The following CFAP20DC variants were observed in gnomAD, a reference collection of about 807,000 sequenced individuals.
CFAP20DC encodes CFAP20 domain containing, also known as protein CFAP20DC.
Under a neutral mutation model 101.7 loss-of-function variants are expected in CFAP20DC, and 84 were observed. That is an observed-to-expected ratio of 0.83 (90% CI 0.69 to 0.99). The LOEUF (loss-of-function observed/expected upper bound fraction) is 0.99. Among genes scored for constraint, CFAP20DC ranks in the 50% least tolerant of loss-of-function variants. The pLI, the probability that CFAP20DC is intolerant of heterozygous loss-of-function variation, is 0.00. For synonymous variants in CFAP20DC, 359 were observed against 351.2 expected (o/e 1.02, Z -0.25); for missense variants, 1,007 against 970.3 (o/e 1.04, Z -0.50).
intron 5 of CFAP20DC, among the ~76,000 whole-genome samples, chr3:58,919,746 A>C (rs916252805): frequency 1.3e-5 from 2 of 152,208 alleles, no homozygotes; most frequent in Non-Finnish European, 2.9e-5. Context: ...ATTCATGAGT[A>C]TTCAGAGTTT....
chr3:58,890,126 C>T lies in CFAP20DC; in HGVS notation c.551-5417G>A, dbSNP rs549298459. Reference sequence around the variant, plus strand: ...GGGGCTCTTCACTTCCCAGTAGGGGCGGCCGGGCAGAGGCGCCCCTCACCT... The same window carrying T: ...GGGGCTCTTCACTTCCCAGTAGGGGTGGCCGGGCAGAGGCGCCCCTCACCT... On this transcript the variant is annotated intron_variant, in intron 6 of 16. Coordinates refer to ENST00000482387, the MANE Select transcript of CFAP20DC (RefSeq NM_001394063.1). 4.1e-4 allele frequency among the ~76,000 whole-genome samples: 62 copies of T among 150,826 alleles called. 1 individual carries two copies. The Middle Eastern group carries it at 0.014, about 33-fold the overall frequency.
chr3:58,940,609 T>C (rs1010710617), intron 4 of CFAP20DC, among the ~76,000 whole-genome samples: 5 of 152,238 alleles, frequency 3.3e-5, no homozygotes, highest in Non-Finnish European at 5.9e-5. Context: ...GTTGTATTTC[T>C]GGACTGTCTG....
chr3:58,989,726 T>C (rs1323020295), intron 4 of CFAP20DC, among the ~76,000 whole-genome samples: 1 of 152,158 alleles, frequency 6.6e-6, no homozygotes, highest in Non-Finnish European at 1.5e-5. Flanking sequence ...ATTATTTCCA[T>C]AGTCTATGTA....
At chr3:58,916,214 G>A (rs1370778161) in intron 5 of CFAP20DC, among the ~76,000 whole-genome samples, 1 of 151,944 alleles carries the variant, frequency 6.6e-6, no homozygotes, top group Non-Finnish European at 1.5e-5. Context: ...TCTGAGTTTG[G>A]TTTTGAGCAA....
intron 4 of CFAP20DC, among the ~76,000 whole-genome samples, chr3:59,024,569 A>G (rs906736122): frequency 1.3e-5 from 2 of 152,184 alleles, no homozygotes; most frequent in African/African-American, 4.8e-5. Context: ...AGTCATTTCT[A>G]TGAATCCAAA....
intron 4 of CFAP20DC, among the ~76,000 whole-genome samples, chr3:58,958,748 C>G (rs1385168050): frequency 6.6e-6 from 1 of 151,768 alleles, no homozygotes; most frequent in Non-Finnish European, 1.5e-5. Flanking sequence ...AGCCCTTTGT[C>G]TTTTTTTTCT....
chr3:58,979,643 C>T (rs2092436935), intron 4 of CFAP20DC, among the ~76,000 whole-genome samples: 1 of 152,158 alleles, frequency 6.6e-6, no homozygotes, highest in South Asian at 2.1e-4. Flanking sequence ...TAAGCAACAG[C>T]ACTGAGTTTC....
At chr3:58,846,587 G>T (rs1170674497) in intron 13 of CFAP20DC, among the ~76,000 whole-genome samples, 2 of 150,210 alleles carry the variant, frequency 1.3e-5, no homozygotes, top group East Asian at 3.9e-4. Flanking sequence ...TGGCCATACT[G>T]CCCAAGGTAA....
chr3:58,816,013 T>A (rs1316834288), intron 14 of CFAP20DC, among the ~76,000 whole-genome samples: 1 of 151,816 alleles, frequency 6.6e-6, no homozygotes, highest in East Asian at 1.9e-4. Flanking sequence ...TTACTGGGTA[T>A]ATACCCAAAG....
intron 6 of CFAP20DC, among the ~76,000 whole-genome samples, chr3:58,905,951 G>T (rs2083546756): frequency 6.6e-6 from 1 of 152,160 alleles, no homozygotes; most frequent in South Asian, 2.1e-4. Flanking sequence ...ATGAGAAGCA[G>T]CAAACTGAAA....
At chr3:59,037,889 A>G (rs1305881146) in intron 4 of CFAP20DC, among the ~76,000 whole-genome samples, 4 of 152,204 alleles carry the variant, frequency 2.6e-5, no homozygotes, top group Admixed American at 6.5e-5. Flanking sequence ...ATGCCCGTCA[A>G]TGATAGACTG....
chr3:58,960,923 C>T (rs2091079590), intron 4 of CFAP20DC, among the ~76,000 whole-genome samples: 1 of 151,954 alleles, frequency 6.6e-6, no homozygotes, highest in African/African-American at 2.4e-5. Context: ...TCCTTCTTAT[C>T]CTAGTTTGTG....
chr3:58,890,381 G>C (rs1356012892), intron 6 of CFAP20DC, among the ~76,000 whole-genome samples: 6 of 135,086 alleles, frequency 4.4e-5, no homozygotes, highest in South Asian at 2.4e-4. Context: ...CAGTAGGGGC[G>C]GCCGGGCAGA....
At chr3:58,857,483 G>C (rs144692191) in intron 12 of CFAP20DC, among the ~76,000 whole-genome samples, 1 of 152,176 alleles carries the variant, frequency 6.6e-6, no homozygotes, top group Non-Finnish European at 1.5e-5. Flanking sequence ...GAGATCAGCC[G>C]AGAAGCAGAT....
chr3:59,021,581 A>G (rs778907485), intron 4 of CFAP20DC, among the ~76,000 whole-genome samples: 17 of 152,104 alleles, frequency 1.1e-4, no homozygotes, highest in Non-Finnish European at 1.9e-4. Flanking sequence ...CTTAAAGCCA[A>G]TGATTGGCCA....
At position 58,912,715 on chromosome 3, in the gene CFAP20DC, C is replaced by A. The variant is rs1385431688; in HGVS notation, c.550+993G>T. ...ACCATCTGAGCAGTATGGTGTGCTA[C>A]CTTATGAATTCCAGGGAGCTGAGTT... is the stretch of plus-strand genomic sequence containing the variant. On this transcript the variant is annotated intron_variant, in intron 6 of 16. Coordinates refer to ENST00000482387, the MANE Select transcript of CFAP20DC (RefSeq NM_001394063.1). The surrounding 1 kb of genome is among the most constrained non-coding windows in gnomAD (Gnocchi z 4.4). 2.2e-6 allele frequency: 1 copy of A among 456,202 alleles called. No individual in the cohort carries two copies. The highest frequency in any genetic ancestry group is 4.4e-6 in the Non-Finnish European group (1 of 226,818). The allele number at this position is 456,202 out of a possible 1,614,324, so 28.3% of individuals were successfully genotyped here.
chr3:58,961,483 G>A (rs1003607108), intron 4 of CFAP20DC, among the ~76,000 whole-genome samples: 1 of 152,102 alleles, frequency 6.6e-6, no homozygotes, highest in Admixed American at 6.5e-5. Context: ...GAACCCAGGA[G>A]GCAGAGGTTG....
intron 14 of CFAP20DC, among the ~76,000 whole-genome samples, chr3:58,830,660 T>C (rs1237975386): frequency 1.3e-5 from 2 of 152,222 alleles, no homozygotes; most frequent in East Asian, 1.9e-4. Flanking sequence ...TATATAGTTA[T>C]ATATAAATGA....
At chr3:58,833,973 T>A (rs2076568556) in intron 13 of CFAP20DC, among the ~76,000 whole-genome samples, 2 of 152,190 alleles carry the variant, frequency 1.3e-5, no homozygotes, top group Admixed American at 6.5e-5. Context: ...ATTTACTTTA[T>A]ATGAAATGTC....
Sources: allele counts gnomAD v4.1 joint callset (sites outside exome capture counted in the v4.1 genomes callset), GRCh38; gene constraint gnomAD v4.1.1; non-coding constraint Gnocchi (gnomAD v3.1); transcripts MANE v1.5; gene names NCBI Gene and HGNC (gene_info 2026-07-23, HGNC 2026-07-21).